ZMYM6: variants seen among roughly 807,000 people sequenced by gnomAD.
ZMYM6 encodes the protein zinc finger MYM-type protein 6.
In ZMYM6, 90 loss-of-function variants were observed where a neutral mutation model predicts 134.0. The ratio of observed to expected loss-of-function variants is 0.67; its 90% CI spans 0.57 to 0.80. The LOEUF (loss-of-function observed/expected upper bound fraction) is 0.80. ZMYM6 is among the 30% of genes least tolerant of loss of function. ZMYM6 has a pLI of 0.00. For synonymous variants in ZMYM6, 481 were observed against 524.1 expected (o/e 0.92, Z 1.12); for missense variants, 1,362 against 1,533.9 (o/e 0.89, Z 1.87).
At chr1:35,027,059 A>G (rs934133260) in intron 2 of ZMYM6, among the ~76,000 whole-genome samples, 2 of 152,242 alleles carry the variant, frequency 1.3e-5, no homozygotes, top group Non-Finnish European at 2.9e-5. Context: ...GAGAAACTTC[A>G]TCTTAAAAGA....
intron 6 of ZMYM6, 122 bp from the exon 7 acceptor site, chr1:35,012,703 G>A: frequency 6.9e-7 from 1 of 1,457,908 alleles, no homozygotes; most frequent in Non-Finnish European, 9.0e-7. Flanking sequence ...TGAGCATGAT[G>A]ATGAAACCAC....
At chr1:35,015,743 A>AAAAAAAAAAAAAAAAATATATATATAT in intron 4 of ZMYM6, among the ~76,000 whole-genome samples, 2 of 106,468 alleles carry the variant, frequency 1.9e-5, no homozygotes, top group African/African-American at 1.3e-4. Context: ...AAAAAAAAAA[A>AAAAAAAAAAAAAAAAATATATATATAT]ATATATATAT....
chr1:35,003,468 A>G (rs1211044341), intron 14 of ZMYM6, among the ~76,000 whole-genome samples: 2 of 152,246 alleles, frequency 1.3e-5, no homozygotes, highest in Admixed American at 1.3e-4. Flanking sequence ...TCAGTCTCAC[A>G]TAATTCAAAG....
intron 15 of ZMYM6, among the ~76,000 whole-genome samples, chr1:34,991,497 C>T (rs112034148): frequency 3.2e-4 from 48 of 151,748 alleles, no homozygotes; most frequent in Non-Finnish European, 6.3e-4. Context: ...AGGCCAGGGG[C>T]GGTGGCTCAT....
chr1:35,014,712 G>A lies in ZMYM6; in HGVS notation c.780C>T (p.Val260=). The A allele has an allele frequency of 6.2e-7, 1 of 1,613,754 alleles. No individual in the cohort carries two copies. Among genetic ancestry groups the A allele is most frequent in the Non-Finnish European group, 8.5e-7 (1 of 1,179,882 alleles). The change falls in exon 6 of 16, where the codon GTC becomes GTT. Residue 260 remains valine (V), a synonymous_variant. Transcript: ENST00000357182. ...ATATTCATACCTGCTTGTATGCCGT[G>A]ACACTTGTTGAACTAAAAACCTTCT... ...QSQKVFSSTS[V]TAYKQNSAQI...
intron 2 of ZMYM6, among the ~76,000 whole-genome samples, chr1:35,020,783 G>A (rs1401947557): frequency 3.3e-5 from 5 of 151,914 alleles, no homozygotes; most frequent in Non-Finnish European, 2.9e-5. Flanking sequence ...ACATTGGCCA[G>A]GCTGGTCTCG....
intron 2 of ZMYM6, among the ~76,000 whole-genome samples, chr1:35,025,083 C>T (rs892282502): frequency 1.3e-5 from 2 of 150,360 alleles, no homozygotes; most frequent in Admixed American, 1.3e-4. Flanking sequence ...GTTGGCCAGG[C>T]TGGTCTTGAA....
chr1:35,001,740 T>C (rs1640885050), intron 14 of ZMYM6, among the ~76,000 whole-genome samples: 1 of 152,208 alleles, frequency 6.6e-6, no homozygotes, highest in Non-Finnish European at 1.5e-5. Context: ...CAGTTAATTA[T>C]CTAATGTGGT....
chr1:35,010,847 G>C lies in ZMYM6; in HGVS notation c.1252C>G (p.Gln418Glu), dbSNP rs762205626. ...ACAACTGTATGGGTTAAAGCAACTTGCTGGGATTGTTCAGCAAGAGGTTGG... is the reference window on the plus strand; with the variant it reads ...ACAACTGTATGGGTTAAAGCAACTTCCTGGGATTGTTCAGCAAGAGGTTGG... ...SLQPLAEQSQ[Q>E]VALTHTVVKL... is the part of the protein sequence containing the mutation. The change falls in exon 9 of 16, where the codon CAA (glutamine) becomes GAA (glutamate). Residue 418 changes from glutamine to glutamate, a missense_variant. By Grantham distance (29) the Gln-to-Glu change is conservative. Around this residue, in one of 3 missense-constraint regions of ZMYM6, gnomAD observed 503 missense variants for 520.8 expected, o/e 0.97. Transcript: ENST00000357182. 6.2e-7 allele frequency: 1 copy of C among 1,613,662 alleles called. No individual in the cohort carries two copies. Among genetic ancestry groups the C allele is most frequent in the Admixed American group, 1.7e-5 (1 of 59,898 alleles).
At chr1:35,030,275 C>CA (rs1641496409) in intron 2 of ZMYM6, 1 of 296,406 alleles carries the variant, frequency 3.4e-6, no homozygotes, top group East Asian at 6.9e-5. Context: ...ACCAAAAATA[C>CA]AAAAAAATAG....
In ZMYM6 at chr1:34,988,665, T is replaced by C. The variant is rs1405504608; in HGVS notation, c.2417A>G (p.Gln806Arg). 2.6e-6 allele frequency: 4 copies of C among 1,547,266 alleles called. No homozygotes were observed. Reference sequence around the variant, plus strand: ...TTGACATTCCATTTCTAAAGATTTTTGTTCAAAAAAATCTACTGGTTTGTT... The same window carrying C: ...TTGACATTCCATTTCTAAAGATTTTCGTTCAAAAAAATCTACTGGTTTGTT... ...LENKPVDFFE[Q>R]KSLEMECQNS... Residue 806 changes from glutamine to arginine, a missense_variant, in exon 16 of 16, where the codon CAA (glutamine) becomes CGA (arginine). Physicochemically the swap from Gln to Arg is conservative, Grantham distance 43. Transcript: ENST00000357182.
intron 2 of ZMYM6, among the ~76,000 whole-genome samples, chr1:35,021,839 A>C (rs554113880): frequency 5.8e-4 from 89 of 152,332 alleles, no homozygotes; most frequent in African/African-American, 1.9e-3. Context: ...TGTAATCATG[A>C]AACATTTTTA....
At chr1:35,013,174 G>A in intron 6 of ZMYM6, 2 of 757,250 alleles carry the variant, frequency 2.6e-6, no homozygotes, top group Non-Finnish European at 3.2e-6. Context: ...TCAGGCCCCA[G>A]GCTAAGAAAT....
At chr1:35,030,367 G>C (rs1156235194) in intron 2 of ZMYM6, 180 bp downstream of exon 2, 3 of 583,992 alleles carry the variant, frequency 5.1e-6, no homozygotes, top group Non-Finnish European at 5.9e-6. Flanking sequence ...GGGAGGTGGA[G>C]GCTGCAGTGA....
At chr1:35,001,456 T>TA in intron 14 of ZMYM6, among the ~76,000 whole-genome samples, 1 of 152,212 alleles carries the variant, frequency 6.6e-6, no homozygotes, top group East Asian at 1.9e-4. Context: ...TATATGTTCC[T>TA]AAAAAACTAA....
intron 2 of ZMYM6, among the ~76,000 whole-genome samples, chr1:35,029,133 A>C (rs1641470642): frequency 6.6e-6 from 1 of 152,170 alleles, no homozygotes. Context: ...TGAAAGTTGC[A>C]GTGAGCCACC....
chr1:34,988,893 G>A lies in ZMYM6; in HGVS notation c.2189C>T (p.Ser730Phe). 1 of 1,612,414 alleles carries A rather than the reference G, an allele frequency of 6.2e-7. No individual in the cohort carries two copies. The highest frequency in any genetic ancestry group is 8.5e-7 in the Non-Finnish European group (1 of 1,179,658). ...TAATCTTTTTTTCTTTGAAGGTGGA[G>A]AATCAAGTTCTGCATCATTTTTTTC... Reference protein sequence around the residue: ...PNEKNDAELDSPPSKKKRLGF... With the variant: ...PNEKNDAELDFPPSKKKRLGF... Residue 730 changes from serine (S) to phenylalanine (F), a missense_variant, in exon 16 of 16, where the codon TCT becomes TTT. Coordinates refer to ENST00000357182, the MANE Select transcript of ZMYM6 (RefSeq NM_007167.4).
At chr1:35,030,812 G>GA (rs1442112941) in intron 1 of ZMYM6, 99 bp from the exon 2 acceptor site, 42 of 599,614 alleles carry the variant, frequency 7.0e-5, no homozygotes, top group Non-Finnish European at 1.1e-4. Flanking sequence ...CTCGGCATTT[G>GA]AAAAACAACT....
chr1:35,011,321 T>G (rs1352493226), intron 8 of ZMYM6, among the ~76,000 whole-genome samples: 1 of 152,004 alleles, frequency 6.6e-6, no homozygotes, highest in Non-Finnish European at 1.5e-5. Flanking sequence ...TCCCCCTACC[T>G]GCACTCCCAT....
Sources: gnomAD v4.1 joint callset for allele counts (sites outside exome capture counted in the v4.1 genomes callset) on GRCh38, gnomAD v4.1.1 for gene constraint, gnomAD v4.1.1 regional missense constraint, MANE v1.5 for transcripts, NCBI Gene and HGNC (gene_info 2026-07-23, HGNC 2026-07-21) for gene names.